UNC13C: variants seen among roughly 807,000 people sequenced by gnomAD.
UNC13C encodes protein unc-13 homolog C.
A neutral mutation model predicts 245.4 loss-of-function variants in UNC13C; 174 were observed. The observed-to-expected ratio is 0.71, with a 90% confidence interval of 0.63 to 0.80. The LOEUF (loss-of-function observed/expected upper bound fraction) is 0.80. Among genes scored for constraint, UNC13C ranks in the 30% least tolerant of loss-of-function variants. The pLI, the probability that UNC13C is intolerant of heterozygous loss-of-function variation, is 0.00. For synonymous variants in UNC13C, 992 were observed against 895.1 expected, an observed-to-expected ratio of 1.11 and a Z score of -1.93; for missense variants, 2,829 against 2,602.9, an observed-to-expected ratio of 1.09 and a Z score of -1.89.
chr15:54,098,405 C>T (rs1294468045), intron 2 of UNC13C, among the ~76,000 whole-genome samples: 1 of 152,110 alleles, frequency 6.6e-6, no homozygotes, highest in East Asian at 1.9e-4. Flanking sequence ...AAACTCCTGA[C>T]CCCAGGTGAT....
intron 13 of UNC13C, among the ~76,000 whole-genome samples, chr15:54,320,099 A>G (rs2038110617): frequency 6.6e-6 from 1 of 152,030 alleles, no homozygotes. Context: ...CTGAAAAATC[A>G]TACAAACTGG....
rs1895828991 is a variant in UNC13C, at chr15:54,533,009, G to A, written c.5639G>A (p.Ser1880Asn). 1 of 1,600,844 alleles carries A rather than the reference G, an allele frequency of 6.2e-7. No homozygotes were observed. Among genetic ancestry groups the A allele is most frequent in the African/African-American group, 1.3e-5 (1 of 74,706 alleles). ...GGAAACACCACATCTAATAAGAACAGTGCAGCAATGGATGCAGAGATTGTG... is the reference window on the plus strand; with the variant it reads ...GGAAACACCACATCTAATAAGAACAATGCAGCAATGGATGCAGAGATTGTG... The part of the protein sequence containing the change: ...ANGNTTSNKN[S>N]AAMDAEIVLR... Residue 1880 changes from serine (S) to asparagine (N), a missense_variant, in exon 26 of 33, where the codon AGT (serine) becomes AAT (asparagine). Transcript: ENST00000260323.
Position 54,179,452 on chromosome 15 carries a change from G to A in UNC13C, c.3071+35768G>A, listed in dbSNP as rs535713793. On this transcript the variant is annotated intron_variant, in intron 4 of 32. Coordinates refer to ENST00000260323, the MANE Select transcript of UNC13C (RefSeq NM_001080534.3). ...CTAAAGAGTTGAAATACGTGAAACA[G>A]GTTGATATTCTAGAGCTGCAAAATA... is the stretch of plus-strand genomic sequence containing the variant. 1.5e-4 allele frequency among the ~76,000 whole-genome samples: 23 copies of A among 152,170 alleles called. No homozygotes were observed. The Middle Eastern group carries it at 0.01, about 68-fold the overall frequency.
At chr15:54,191,030 T>C (rs113300753) in intron 4 of UNC13C, among the ~76,000 whole-genome samples, 6 of 152,304 alleles carry the variant, frequency 3.9e-5, no homozygotes, top group African/African-American at 1.4e-4. Context: ...CTCAATTTTT[T>C]AGTTTAGTTC....
chr15:54,415,132 G>A, intron 19 of UNC13C, 65 bp downstream of exon 19: 1 of 1,204,072 alleles, frequency 8.3e-7, no homozygotes, highest in Admixed American at 2.2e-5. Context: ...TTGTGTTCTT[G>A]GCTTTAAATG....
At chr15:53,900,663 C>T in the UNC13C span, among the ~76,000 whole-genome samples, 2 of 152,044 alleles carry the variant, frequency 1.3e-5, no homozygotes, top group Non-Finnish European at 2.9e-5. Context: ...CATCAAACTT[C>T]TATTTTTTTT....
At chr15:54,321,842 T>C in intron 13 of UNC13C, 97 bp from the exon 14 acceptor site, 1 of 1,194,702 alleles carries the variant, frequency 8.4e-7, no homozygotes, top group Non-Finnish European at 1.2e-6. Context: ...TTTTCATAGA[T>C]GTAGCTGTGG....
chr15:54,416,961 A>G, intron 19 of UNC13C: 2 of 456,590 alleles, frequency 4.4e-6, no homozygotes, highest in South Asian at 3.1e-5. Flanking sequence ...ACCAATCTTC[A>G]TAAGCAGCCA....
chr15:54,002,217 C>T (rs1000664935), intron 1 of UNC13C, among the ~76,000 whole-genome samples: 1 of 151,890 alleles, frequency 6.6e-6, no homozygotes, highest in Non-Finnish European at 1.5e-5. Context: ...ACCTGGGAGG[C>T]GGAGCTTGCA....
the UNC13C span, chr15:53,912,937 A>G: frequency 6.6e-6 from 1 of 152,252 alleles, no homozygotes; most frequent in East Asian, 1.9e-4. Flanking sequence ...ACCTTCCATC[A>G]TAGACTTGAT....
At chr15:53,889,798 C>A in the UNC13C span, among the ~76,000 whole-genome samples, 1 of 152,170 alleles carries the variant, frequency 6.6e-6, no homozygotes, top group Admixed American at 6.5e-5. Context: ...TTTTCTGCAT[C>A]TATTGAGATA....
At chr15:53,987,199 T>C (rs1449887612) in intron 1 of UNC13C, among the ~76,000 whole-genome samples, 1 of 152,086 alleles carries the variant, frequency 6.6e-6, no homozygotes, top group African/African-American at 2.4e-5. Context: ...ATATTTTAGA[T>C]AAATAGGCAT....
chr15:54,482,063 C>G (rs1056901394), intron 19 of UNC13C, among the ~76,000 whole-genome samples: 1 of 152,092 alleles, frequency 6.6e-6, no homozygotes, highest in African/African-American at 2.4e-5. Flanking sequence ...TACACTTTGT[C>G]TCGCTTTTTT....
At chr15:54,422,686 G>A (rs1386887835) in intron 19 of UNC13C, among the ~76,000 whole-genome samples, 2 of 151,618 alleles carry the variant, frequency 1.3e-5, no homozygotes, top group African/African-American at 4.8e-5. Flanking sequence ...CTTCATAGAG[G>A]GCTCCTTTCC....
intron 4 of UNC13C, among the ~76,000 whole-genome samples, chr15:54,144,020 A>G (rs202176837): frequency 5.3e-5 from 8 of 152,168 alleles, no homozygotes; most frequent in East Asian, 1.9e-4. Context: ...CTCTCTTTCA[A>G]TGTGCTTGTT....
chr15:54,412,229 C>T (rs949642426), intron 18 of UNC13C, among the ~76,000 whole-genome samples: 1 of 151,756 alleles, frequency 6.6e-6, no homozygotes, highest in Admixed American at 6.6e-5. Context: ...AAAAAGTGCC[C>T]GAGACTGAGT....
chr15:54,622,551 T>A (rs1254006623), intron 31 of UNC13C, 132 bp downstream of exon 31: 1 of 626,986 alleles, frequency 1.6e-6, no homozygotes, highest in Non-Finnish European at 2.7e-6. Context: ...AATTTCCTAA[T>A]GAAACCCAAA....
chr15:54,403,031 C>T (rs1162714343), intron 18 of UNC13C, among the ~76,000 whole-genome samples: 1 of 152,218 alleles, frequency 6.6e-6, no homozygotes, highest in Non-Finnish European at 1.5e-5. Flanking sequence ...TAATCTCCAT[C>T]TCTGCTCTAC....
chr15:54,292,385 C>T (rs187287179), intron 10 of UNC13C, among the ~76,000 whole-genome samples: 398 of 151,888 alleles, frequency 2.6e-3, no homozygotes, highest in African/African-American at 9.2e-3. Flanking sequence ...CAGTAACGTC[C>T]GTGAATGTTC....
Sources: allele counts gnomAD v4.1 joint callset (sites outside exome capture counted in the v4.1 genomes callset), GRCh38; gene constraint gnomAD v4.1.1; transcripts MANE v1.5; gene names NCBI Gene and HGNC (gene_info 2026-07-23, HGNC 2026-07-21).